TRHDE: variants seen among roughly 807,000 people sequenced by gnomAD.
TRHDE encodes thyrotropin releasing hormone degrading enzyme.
A neutral mutation model predicts 125.7 loss-of-function variants in TRHDE; 72 were observed. The ratio of observed to expected loss-of-function variants is 0.57; its 90% CI spans 0.47 to 0.70. The LOEUF (loss-of-function observed/expected upper bound fraction) is 0.70. Among genes scored for constraint, TRHDE ranks in the 30% least tolerant of loss-of-function variants. TRHDE has a pLI of 0.00. For missense variants in TRHDE, 1,110 were observed against 1,327.1 expected (o/e 0.84, Z 2.54); for synonymous variants, 509 against 509.1 (o/e 1.00, Z 0.00).
intron 12 of TRHDE, among the ~76,000 whole-genome samples, chr12:72,581,083 G>A (rs987738859): frequency 5.9e-5 from 9 of 152,214 alleles, no homozygotes; most frequent in African/African-American, 2.2e-4. Flanking sequence ...GAGAATAAAC[G>A]TATGGCAGAA....
intron 2 of TRHDE, among the ~76,000 whole-genome samples, chr12:72,143,592 G>A (rs1025847671): frequency 6.6e-6 from 1 of 152,024 alleles, no homozygotes; most frequent in Non-Finnish European, 1.5e-5. Context: ...TTCTTTACCT[G>A]CATTTCCCAT....
intron 2 of TRHDE, among the ~76,000 whole-genome samples, chr12:72,321,323 G>A (rs1378708820): frequency 1.3e-5 from 2 of 152,124 alleles, no homozygotes; most frequent in African/African-American, 2.4e-5. Context: ...TGGGGATGGT[G>A]TGCACAGATA....
chr12:72,329,831 A>G (rs1353843203), intron 2 of TRHDE, among the ~76,000 whole-genome samples: 3 of 152,196 alleles, frequency 2.0e-5, no homozygotes, highest in Non-Finnish European at 2.9e-5. Context: ...TTTTGATACC[A>G]GAAGGAATCC....
At chr12:72,503,241 G>A (rs1254863145) in intron 6 of TRHDE, among the ~76,000 whole-genome samples, 2 of 152,040 alleles carry the variant, frequency 1.3e-5, no homozygotes, top group Non-Finnish European at 2.9e-5. Flanking sequence ...ATCTGATGGG[G>A]TTGTTATGAT....
intron 2 of TRHDE, among the ~76,000 whole-genome samples, chr12:72,185,550 G>C (rs1045846263): frequency 2.6e-5 from 4 of 152,256 alleles, no homozygotes; most frequent in African/African-American, 9.6e-5. Context: ...GTCTAGCTCA[G>C]GGATTGTAAA....
chr12:72,215,192 A>G (rs954797293), intron 2 of TRHDE, among the ~76,000 whole-genome samples: 1 of 72,598 alleles, frequency 1.4e-5, no homozygotes, highest in African/African-American at 5.1e-5. Flanking sequence ...GTTCTCTGGC[A>G]GGCAGGAGTG....
At chr12:72,196,634 A>T (rs191450090) in intron 2 of TRHDE, among the ~76,000 whole-genome samples, 1 of 152,044 alleles carries the variant, frequency 6.6e-6, no homozygotes, top group East Asian at 1.9e-4. Flanking sequence ...ACATCTTTTC[A>T]CCTACTTATA....
At chr12:72,496,055 A>G (rs1447527365) in intron 5 of TRHDE, among the ~76,000 whole-genome samples, 1 of 152,136 alleles carries the variant, frequency 6.6e-6, no homozygotes, top group Admixed American at 6.6e-5. Context: ...ATTTTGTTTT[A>G]TTGTGCTGCT....
chr12:72,261,270 A>ATTTT (rs1878944672), intron 2 of TRHDE, among the ~76,000 whole-genome samples: 1 of 152,168 alleles, frequency 6.6e-6, no homozygotes, highest in Non-Finnish European at 1.5e-5. Flanking sequence ...CTTTCAGTTA[A>ATTTT]AGCACTAACT....
intron 2 of TRHDE, among the ~76,000 whole-genome samples, chr12:72,116,000 C>G (rs1356032186): frequency 6.6e-6 from 1 of 152,090 alleles, no homozygotes; most frequent in African/African-American, 2.4e-5. Flanking sequence ...CTAATGCACT[C>G]CCTCCCTTTC....
chr12:72,639,488 G>A (rs1047512351), intron 15 of TRHDE, among the ~76,000 whole-genome samples: 2 of 151,960 alleles, frequency 1.3e-5, no homozygotes, highest in East Asian at 1.9e-4. Flanking sequence ...ATCATCTGAA[G>A]CCTTCTCTCA....
intron 10 of TRHDE, among the ~76,000 whole-genome samples, chr12:72,573,739 A>AT (rs1290374654): frequency 1.3e-5 from 2 of 151,980 alleles, no homozygotes; most frequent in African/African-American, 4.8e-5. Flanking sequence ...AATGTGAAAA[A>AT]TGTATATCAT....
intron 2 of TRHDE, among the ~76,000 whole-genome samples, chr12:72,319,739 T>C (rs757760820): frequency 3.2e-4 from 48 of 152,188 alleles, no homozygotes; most frequent in Non-Finnish European, 6.9e-4. Context: ...ATAAGAACCA[T>C]TGTTTATTTT....
intron 15 of TRHDE, among the ~76,000 whole-genome samples, chr12:72,639,710 TC>T (rs1373003082): frequency 2.0e-5 from 3 of 151,998 alleles, no homozygotes; most frequent in African/African-American, 7.3e-5. Flanking sequence ...TTGTTAGTTT[TC>T]CTTCTAACAG....
intron 3 of TRHDE, among the ~76,000 whole-genome samples, chr12:72,414,371 T>G (rs1211782099): frequency 6.6e-6 from 1 of 152,118 alleles, no homozygotes; most frequent in Non-Finnish European, 1.5e-5. Context: ...TGTGCTGTAA[T>G]ACTAACCCAA....
chr12:72,154,146 T>G (rs1453356384), intron 2 of TRHDE, among the ~76,000 whole-genome samples: 1 of 152,202 alleles, frequency 6.6e-6, no homozygotes, highest in Admixed American at 6.5e-5. Context: ...TTTACCATTA[T>G]GTAATGGCCT....
chr12:72,363,021 TG>T (rs1361509144), intron 2 of TRHDE, among the ~76,000 whole-genome samples: 6 of 152,062 alleles, frequency 3.9e-5, no homozygotes, highest in Non-Finnish European at 8.8e-5. Flanking sequence ...TTTGTTCTTT[TG>T]GCTTAGGATT....
chr12:72,634,129 T>C (rs2136089468), intron 15 of TRHDE, among the ~76,000 whole-genome samples: 1 of 152,226 alleles, frequency 6.6e-6, no homozygotes, highest in Non-Finnish European at 1.5e-5. Flanking sequence ...GTAACAGCCC[T>C]GTAAGGAATT....
chr12:72,238,582 C>T (rs1007568596), intron 2 of TRHDE, among the ~76,000 whole-genome samples: 1 of 150,858 alleles, frequency 6.6e-6, no homozygotes, highest in African/African-American at 2.4e-5. Context: ...TATGATGTTC[C>T]CCTCCCTGTG....
Sources: gnomAD v4.1 joint callset for allele counts (sites outside exome capture counted in the v4.1 genomes callset) on GRCh38, gnomAD v4.1.1 for gene constraint, MANE v1.5 for transcripts, NCBI Gene and HGNC (gene_info 2026-07-23, HGNC 2026-07-21) for gene names.